USP37: variants seen among roughly 807,000 people sequenced by gnomAD.
USP37 encodes ubiquitin carboxyl-terminal hydrolase 37.
In USP37, 27 loss-of-function variants were observed where a neutral mutation model predicts 124.0. The observed-to-expected ratio is 0.22, with a 90% CI of 0.16 to 0.30. The LOEUF (loss-of-function observed/expected upper bound fraction) is 0.30. USP37 is among the 10% of genes least tolerant of loss of function. The pLI is 1.00. For missense variants in USP37, 889 were observed against 1,140.4 expected, an observed-to-expected ratio of 0.78 and a Z score of 3.17; for synonymous variants, 365 against 388.0, an observed-to-expected ratio of 0.94 and a Z score of 0.70.
At chr2:218,496,672 G>C (rs1274612183) in intron 13 of USP37, among the ~76,000 whole-genome samples, 1 of 151,904 alleles carries the variant, frequency 6.6e-6, no homozygotes, top group African/African-American at 2.4e-5. Context: ...CTTTGAGACA[G>C]ATTTTCGCTC....
At chr2:218,563,336 G>C (rs1693414626) in intron 1 of USP37, among the ~76,000 whole-genome samples, 1 of 152,092 alleles carries the variant, frequency 6.6e-6, no homozygotes, top group Non-Finnish European at 1.5e-5. Context: ...CATAATGAGG[G>C]ATTACAGGAT....
intron 1 of USP37, among the ~76,000 whole-genome samples, chr2:218,563,513 A>G (rs1559234924): frequency 6.6e-6 from 1 of 152,212 alleles, no homozygotes; most frequent in Non-Finnish European, 1.5e-5. Flanking sequence ...CTATTTCAAA[A>G]GGTGGGTAAA....
chr2:218,488,289 A>G lies in USP37; in HGVS notation c.1590+15T>C. Reference sequence around the variant, plus strand: ...TAAAATTTAGTTATGTGAAAATACAAAAGATATTATTTACCCTAAAGAAAA... The same window carrying G: ...TAAAATTTAGTTATGTGAAAATACAGAAGATATTATTTACCCTAAAGAAAA... On this transcript the variant is annotated intron_variant, in intron 15 of 25. Coordinates refer to ENST00000258399, the MANE Select transcript of USP37 (RefSeq NM_020935.3). 1 of 1,514,948 alleles carries G rather than the reference A, an allele frequency of 6.6e-7. No homozygotes were observed. The highest frequency in any genetic ancestry group is 9.0e-7 in the Non-Finnish European group (1 of 1,108,450). 93.8% of individuals were successfully genotyped at this position (1,514,948 alleles called of 1,614,324 possible).
chr2:218,450,452 A>T lies in USP37; in HGVS notation c.*4478T>A, dbSNP rs1202584260. 1 of 152,664 alleles carries T rather than the reference A, an allele frequency of 6.6e-6. No homozygotes were observed. Among genetic ancestry groups the T allele is most frequent in the Non-Finnish European group, 1.5e-5 (1 of 68,048 alleles). The allele number at this position is 152,664 out of a possible 1,614,324, so 9.5% of individuals were successfully genotyped here. ...CATAAAGAAAAAAAATCATCTCACA[A>T]ATAATGTGGCCACAGCTGCCAGAAA... On this transcript the variant is annotated 3_prime_UTR_variant, in exon 26 of 26. Transcript: ENST00000258399.
rs191254731 is a variant in USP37 at position 218,538,795 on chromosome 2, A to G, written c.681-4089T>C. Among the ~76,000 whole-genome samples, 47 of 152,286 alleles carry G rather than the reference A, an allele frequency of 3.1e-4. No individual in the cohort carries two copies. In the East Asian group the frequency reaches 7.1e-3, roughly 23 times the overall value. On this transcript the variant is annotated intron_variant, in intron 8 of 25. Transcript: ENST00000258399. Reference sequence around the variant, plus strand: ...GCAATTAATCCTTATTGGGACTGACAATATTCTAGATACAGTAGTTCCCCC... The same window carrying G: ...GCAATTAATCCTTATTGGGACTGACGATATTCTAGATACAGTAGTTCCCCC...
intron 8 of USP37, among the ~76,000 whole-genome samples, chr2:218,545,358 C>T (rs969645229): frequency 6.6e-6 from 1 of 152,082 alleles, no homozygotes; most frequent in Non-Finnish European, 1.5e-5. Flanking sequence ...GAAATGGAGA[C>T]AAGAAAGTAG....
intron 17 of USP37, among the ~76,000 whole-genome samples, chr2:218,481,776 C>T (rs954906027): frequency 2.6e-5 from 4 of 151,530 alleles, no homozygotes; most frequent in African/African-American, 9.7e-5. Flanking sequence ...CCACCTCAGC[C>T]TCGAGTAGCT....
intron 11 of USP37, among the ~76,000 whole-genome samples, chr2:218,506,582 G>T (rs1405970086): frequency 6.7e-6 from 1 of 149,036 alleles, no homozygotes; most frequent in Non-Finnish European, 1.5e-5. Context: ...ACCACGCCCG[G>T]CCCTTTCTGG....
intron 6 of USP37, among the ~76,000 whole-genome samples, chr2:218,547,654 G>A (rs1203314256): frequency 6.6e-6 from 1 of 150,384 alleles, no homozygotes; most frequent in Non-Finnish European, 1.5e-5. Flanking sequence ...GATCTTTGGA[G>A]GAAAAAAATA....
chr2:218,496,997 C>T (rs1689118509), intron 13 of USP37, among the ~76,000 whole-genome samples: 2 of 151,826 alleles, frequency 1.3e-5, no homozygotes, highest in African/African-American at 4.8e-5. Flanking sequence ...ACACAAATCT[C>T]GTTTTAAAAT....
intron 6 of USP37, among the ~76,000 whole-genome samples, chr2:218,547,489 G>C (rs1692413647): frequency 6.7e-6 from 1 of 149,958 alleles, no homozygotes. Flanking sequence ...GAAAAATTGA[G>C]CTTGACACTT....
intron 11 of USP37, among the ~76,000 whole-genome samples, chr2:218,500,157 C>T (rs1345377631): frequency 6.6e-6 from 1 of 152,032 alleles, no homozygotes; most frequent in African/African-American, 2.4e-5. Context: ...TCACTACAAC[C>T]TCTGCCTCCC....
intron 8 of USP37, among the ~76,000 whole-genome samples, chr2:218,539,303 C>T (rs1190219276): frequency 1.3e-5 from 2 of 152,164 alleles, no homozygotes; most frequent in Non-Finnish European, 2.9e-5. Flanking sequence ...ACTGTGGCTG[C>T]ACTTTTGCAG....
rs1689049214 is a variant in USP37, at chr2:218,495,760, G to A, written c.1472C>T (p.Ala491Val). The A allele has an allele frequency of 2.5e-6, 4 of 1,606,816 alleles. No homozygotes were observed. The highest frequency in any genetic ancestry group is 3.4e-6 in the Non-Finnish European group (4 of 1,178,144). The change falls in exon 14 of 26, where the codon GCA becomes GTA. Residue 491 changes from alanine (A) to valine (V), a missense_variant and splice_region_variant. Ala to Val is a moderately conservative substitution (Grantham distance 64). Transcript: ENST00000258399. Reference protein sequence around the residue: ...FEVQHSIICKACGEIIPKREQ... With the variant: ...FEVQHSIICKVCGEIIPKREQ... ...AAATCATTTCTTAGACACTACTTAC[G>A]CTTTACAAATGATGGAGTGCTGAAC...
intron 9 of USP37, among the ~76,000 whole-genome samples, chr2:218,532,732 C>G (rs1691404641): frequency 6.6e-6 from 1 of 151,944 alleles, no homozygotes; most frequent in Non-Finnish European, 1.5e-5. Flanking sequence ...AGCTGGGGAC[C>G]AGCCTGGGCC....
chr2:218,558,385 G>T (rs1693141075), intron 4 of USP37, 113 bp downstream of exon 4: 3 of 945,408 alleles, frequency 3.2e-6, no homozygotes, highest in African/African-American at 1.7e-5. Context: ...GAAATAAGAA[G>T]CAAGAAATAT....
At chr2:218,539,115 A>C (rs1172630430) in intron 8 of USP37, among the ~76,000 whole-genome samples, 8 of 151,920 alleles carry the variant, frequency 5.3e-5, no homozygotes, top group Non-Finnish European at 1.5e-5. Context: ...TGACAGGCAC[A>C]TATCACCACA....
intron 14 of USP37, among the ~76,000 whole-genome samples, chr2:218,494,966 GT>G (rs889511402): frequency 3.4e-5 from 5 of 148,848 alleles, no homozygotes; most frequent in African/African-American, 9.9e-5. Flanking sequence ...AATAAGTTGT[GT>G]TTTTTTTTCA....
chr2:218,554,318 G>A lies in USP37; in HGVS notation c.157-594C>T, dbSNP rs549887523. Among the ~76,000 whole-genome samples the A allele has an allele frequency of 2.4e-4, 37 of 152,214 alleles. No individual in the cohort carries two copies. The South Asian group carries it at 2.5e-3, about 10-fold the overall frequency. On this transcript the variant is annotated intron_variant, in intron 4 of 25. Coordinates refer to ENST00000258399, the MANE Select transcript of USP37 (RefSeq NM_020935.3). ...ACTCTTCTACTAAAATTAATTTTAC[G>A]GAACAATCCTAGAACTCTTGATCTC...
Sources: gnomAD v4.1 joint callset for allele counts (sites outside exome capture counted in the v4.1 genomes callset) on GRCh38, gnomAD v4.1.1 for gene constraint, MANE v1.5 for transcripts, NCBI Gene and HGNC (gene_info 2026-07-23, HGNC 2026-07-21) for gene names.